The following SCGN variants were observed in gnomAD, a reference collection of about 807,000 sequenced individuals.
The protein encoded by SCGN is secretagogin.
SCGN carries 30 observed loss-of-function variants against 39.7 expected under a neutral mutation model. That is an observed-to-expected ratio of 0.76 (90% confidence interval 0.57 to 1.03). SCGN has a LOEUF of 1.03. Among genes scored for constraint, SCGN ranks in the 50% least tolerant of loss-of-function variants. The pLI is 0.00. For synonymous variants in SCGN, 106 were observed against 114.1 expected, an observed-to-expected ratio of 0.93 and a Z score of 0.45; for missense variants, 353 against 349.4, an observed-to-expected ratio of 1.01 and a Z score of -0.08.
At chr6:25,676,104 C>A (rs2151380033) in intron 6 of SCGN, among the ~76,000 whole-genome samples, 1 of 152,316 alleles carries the variant, frequency 6.6e-6, no homozygotes, top group Non-Finnish European at 1.5e-5. Flanking sequence ...GCCTCTTTCT[C>A]TATCACTCCA....
At chr6:25,661,420 A>T in intron 2 of SCGN, 132 bp from the exon 3 acceptor site, 1 of 622,830 alleles carries the variant, frequency 1.6e-6, no homozygotes, top group South Asian at 2.1e-5. Context: ...AAATCACTTT[A>T]AATGGTCAAG....
rs1284228029 is a variant in SCGN, at chr6:25,669,510, G to T, written c.337-1G>T. 1 of 1,612,842 alleles carries T rather than the reference G, an allele frequency of 6.2e-7. No individual in the cohort carries two copies. The highest frequency in any genetic ancestry group is 8.5e-7 in the Non-Finnish European group (1 of 1,178,934). ...TAATTAGTGACTTTTGTGTATTTCA[G>T]ATTTGGCGCAAATATGACGCTGACA... On this transcript the variant is annotated splice_acceptor_variant, in intron 4 of 10. Coordinates refer to ENST00000377961, the MANE Select transcript of SCGN (RefSeq NM_006998.4). LOFTEE classifies it high-confidence loss of function.
At chr6:25,695,203 G>T (rs959200266) in intron 10 of SCGN, among the ~76,000 whole-genome samples, 1 of 152,100 alleles carries the variant, frequency 6.6e-6, no homozygotes, top group Non-Finnish European at 1.5e-5. Flanking sequence ...GGTCTTTGAG[G>T]AATAAACATG....
intron 6 of SCGN, among the ~76,000 whole-genome samples, chr6:25,676,153 C>T (rs893358313): frequency 6.6e-6 from 1 of 152,184 alleles, no homozygotes; most frequent in Non-Finnish European, 1.5e-5. Flanking sequence ...ATTTAAATTA[C>T]ATTCTAAATC....
chr6:25,657,380 T>C (rs1760246116), intron 2 of SCGN, among the ~76,000 whole-genome samples: 1 of 152,210 alleles, frequency 6.6e-6, no homozygotes, highest in Non-Finnish European at 1.5e-5. Context: ...CTCCTGGGTC[T>C]CAATTTTCCT....
chr6:25,665,944 T>C (rs116520418), intron 4 of SCGN, among the ~76,000 whole-genome samples: 1 of 152,178 alleles, frequency 6.6e-6, no homozygotes. Context: ...TAGGCATACA[T>C]TGTAGAATAA....
chr6:25,696,852 G>T (rs956457812), intron 10 of SCGN, among the ~76,000 whole-genome samples: 1 of 152,120 alleles, frequency 6.6e-6, no homozygotes, highest in Non-Finnish European at 1.5e-5. Context: ...TTATGTTAGG[G>T]ACTTAACGTG....
chr6:25,681,876 A>G, intron 6 of SCGN, 75 bp from the exon 7 acceptor site: 1 of 1,302,030 alleles, frequency 7.7e-7, no homozygotes, highest in Non-Finnish European at 1.1e-6. Flanking sequence ...AGAAGAGCAA[A>G]ATAGAAAAGT....
At chr6:25,680,660 CA>C (rs1318140575) in intron 6 of SCGN, among the ~76,000 whole-genome samples, 1 of 152,174 alleles carries the variant, frequency 6.6e-6, no homozygotes, top group Non-Finnish European at 1.5e-5. Flanking sequence ...GAAGGTGTCA[CA>C]GAAAATAACT....
In SCGN at chr6:25,670,257, A is replaced by C. The variant is rs371520142; in HGVS notation, c.471+181A>C. Among the ~76,000 whole-genome samples, 79 of 152,300 alleles carry C rather than the reference A, an allele frequency of 5.2e-4. 1 individual carries two copies. The South Asian group carries it at 0.015, about 30-fold the overall frequency. On this transcript the variant is annotated intron_variant, in intron 6 of 10. Coordinates refer to ENST00000377961, the MANE Select transcript of SCGN (RefSeq NM_006998.4). ...GAACTGTTTTAGCCTCTCTCTTGTG[A>C]CCAGGTTGCATCTATTTGAGAGAGA... is the stretch of plus-strand genomic sequence containing the variant.
At chr6:25,689,759 T>C (rs1057396123) in intron 9 of SCGN, among the ~76,000 whole-genome samples, 1 of 152,136 alleles carries the variant, frequency 6.6e-6, no homozygotes, top group African/African-American at 2.4e-5. Context: ...TGACTTTTTT[T>C]TTTGACTCCT....
intron 7 of SCGN, among the ~76,000 whole-genome samples, chr6:25,682,698 C>G (rs1306692859): frequency 2.0e-5 from 3 of 152,164 alleles, no homozygotes; most frequent in Non-Finnish European, 4.4e-5. Context: ...TCCATAATAC[C>G]AGCTGCTTCA....
chr6:25,667,918 T>C (rs1759415634), intron 4 of SCGN, among the ~76,000 whole-genome samples: 1 of 152,208 alleles, frequency 6.6e-6, no homozygotes, highest in South Asian at 2.1e-4. Context: ...TAAAATTATT[T>C]GAAATTCTCA....
At chr6:25,661,787 G>C (rs1760342738) in intron 3 of SCGN, 143 bp downstream of exon 3, 1 of 574,652 alleles carries the variant, frequency 1.7e-6, no homozygotes, top group Non-Finnish European at 3.0e-6. Flanking sequence ...CTGAAAGGCA[G>C]TTGGCCTAGA....
rs1483627103 is a variant in SCGN, at chr6:25,660,373, C to CCTTT, written c.154-1179_154-1178insCTTT. On this transcript the variant is annotated intron_variant, in intron 2 of 10. Transcript: ENST00000377961. The stretch of plus-strand genomic sequence containing the variant: ...CCTTCCACCAGCCTGTGATGGAGGG[C>CCTTT]AAAGACCAGGTCTCTTTTGCTGACT... 4.6e-5 allele frequency among the ~76,000 whole-genome samples: 7 copies of CCTTT among 152,290 alleles called. No homozygotes were observed. In the East Asian group the frequency reaches 9.6e-4, roughly 21 times the overall value.
chr6:25,701,458 A>G lies in SCGN; in HGVS notation c.*123A>G. ...CACAAATGGTGTGCTATTCTTGGGCAAGAACAGGGACGCTAGGGCCTTCCT... is the reference window on the plus strand; with the variant it reads ...CACAAATGGTGTGCTATTCTTGGGCGAGAACAGGGACGCTAGGGCCTTCCT... On this transcript the variant is annotated 3_prime_UTR_variant, in exon 11 of 11. Transcript: ENST00000377961. The G allele has an allele frequency of 1.6e-6, 2 of 1,270,962 alleles. No homozygotes were observed. The highest frequency in any genetic ancestry group is 2.2e-6 in the Non-Finnish European group (2 of 914,000). The allele number at this position is 1,270,962 out of a possible 1,614,324, so 78.7% of individuals were successfully genotyped here.
intron 7 of SCGN, 115 bp from the exon 8 acceptor site, chr6:25,689,057 T>C: frequency 1.6e-6 from 1 of 643,864 alleles, no homozygotes; most frequent in East Asian, 2.6e-5. Flanking sequence ...GTCTTTCAAG[T>C]ACCTATTCTG....
chr6:25,673,711 G>C (rs1302886787), intron 6 of SCGN, among the ~76,000 whole-genome samples: 1 of 152,118 alleles, frequency 6.6e-6, no homozygotes, highest in Admixed American at 6.5e-5. Context: ...ACTCATTTTG[G>C]TTCTAAATTG....
intron 2 of SCGN, among the ~76,000 whole-genome samples, chr6:25,658,033 TTTTTTTTTTTTTTTTTTTTTTTTTG>T (rs2151376866): frequency 2.0e-5 from 1 of 48,832 alleles, no homozygotes; most frequent in Non-Finnish European, 4.2e-5. Flanking sequence ...TTTTTTTTTT[TTTTTTTTTTTTTTTTTTTTTTTTTG>T]AGAGGGAGTG....
Sources: allele counts gnomAD v4.1 joint callset (sites outside exome capture counted in the v4.1 genomes callset), GRCh38; gene constraint gnomAD v4.1.1; transcripts MANE v1.5; gene names NCBI Gene and HGNC (gene_info 2026-07-23, HGNC 2026-07-21).